Variants in DENND5A observed in about 807,000 individuals in gnomAD.
The protein encoded by DENND5A is DENN domain-containing protein 5A.
In DENND5A, 64 loss-of-function variants were observed where a neutral mutation model predicts 140.3. The observed-to-expected ratio is 0.46, with a 90% CI of 0.37 to 0.56. The LOEUF (loss-of-function observed/expected upper bound fraction) is 0.56, where lower values mean the gene tolerates loss of function less well. DENND5A is among the 20% of genes least tolerant of loss of function. DENND5A has a pLI of 0.00. For synonymous variants in DENND5A, 605 were observed against 607.7 expected, an observed-to-expected ratio of 1.00 and a Z score of 0.07; for missense variants, 1,292 against 1,593.8, an observed-to-expected ratio of 0.81 and a Z score of 3.22.
At position 9,207,548 on chromosome 11, in the gene DENND5A, G is replaced by A; in HGVS notation, c.181+13C>T. On this transcript the variant is annotated intron_variant, in intron 2 of 22. Transcript: ENST00000328194. ...GAAAGCTTTGGGTGTTCTCAATTTT[G>A]TTTTGTTTTTACCTTCAGTCGTACT... 6.2e-7 allele frequency: 1 copy of A among 1,605,376 alleles called. No individual in the cohort carries two copies. The highest frequency in any genetic ancestry group is 8.5e-7 in the Non-Finnish European group (1 of 1,172,674).
At chr11:9,194,875 G>A (rs1338936232) in intron 4 of DENND5A, among the ~76,000 whole-genome samples, 1 of 147,904 alleles carries the variant, frequency 6.8e-6, no homozygotes, top group East Asian at 2.1e-4. Flanking sequence ...GCCCACCACC[G>A]CACCTGGCTA....
At position 9,263,865 on chromosome 11, in the gene DENND5A, A is replaced by G. The variant is rs991798615; in HGVS notation, c.109+1096T>C. 6.9e-4 allele frequency among the ~76,000 whole-genome samples: 104 copies of G among 151,304 alleles called. 1 individual carries two copies. The highest frequency in any genetic ancestry group is 2.3e-3 in the African/African-American group (97 of 41,400). The stretch of plus-strand genomic sequence containing the variant: ...CTCCGTCTCAAAAAAAAAAAAAAAA[A>G]AAAAAAGAAACACTGGACTTTTTCT... On this transcript the variant is annotated intron_variant, in intron 1 of 22. Coordinates refer to ENST00000328194, the MANE Select transcript of DENND5A (RefSeq NM_015213.4).
intron 1 of DENND5A, among the ~76,000 whole-genome samples, chr11:9,229,783 C>T (rs771020469): frequency 5.9e-5 from 9 of 152,068 alleles, no homozygotes; most frequent in Non-Finnish European, 1.0e-4. Context: ...TTAGATAACA[C>T]CCTTTGTCTA....
chr11:9,170,527 A>G, intron 9 of DENND5A, 100 bp downstream of exon 9: 3 of 1,428,434 alleles, frequency 2.1e-6, no homozygotes, highest in Non-Finnish European at 2.9e-6. Context: ...CTGCTTTAGA[A>G]AAGTACAAGG....
intron 5 of DENND5A, among the ~76,000 whole-genome samples, chr11:9,184,900 C>T (rs1848857149): frequency 6.6e-6 from 1 of 151,916 alleles, no homozygotes; most frequent in Admixed American, 6.6e-5. Context: ...TTAGAAAATC[C>T]AATTTATCAG....
intron 1 of DENND5A, among the ~76,000 whole-genome samples, chr11:9,234,244 T>C (rs1850902285): frequency 6.6e-6 from 1 of 150,668 alleles, no homozygotes; most frequent in South Asian, 2.1e-4. Flanking sequence ...CCCAATTCTG[T>C]AGCAAACTCA....
At chr11:9,200,778 C>T (rs1849495471) in intron 4 of DENND5A, among the ~76,000 whole-genome samples, 1 of 152,228 alleles carries the variant, frequency 6.6e-6, no homozygotes, top group African/African-American at 2.4e-5. Flanking sequence ...TACAAATTAC[C>T]TCTTAACGGA....
intron 1 of DENND5A, among the ~76,000 whole-genome samples, chr11:9,211,657 G>C (rs35966356): frequency 6.6e-5 from 10 of 152,166 alleles, no homozygotes; most frequent in Non-Finnish European, 1.3e-4. Context: ...TCTCAGGCCA[G>C]ACATGGTGGC....
intron 12 of DENND5A, among the ~76,000 whole-genome samples, chr11:9,160,482 GA>G (rs1847942694): frequency 6.6e-6 from 1 of 152,202 alleles, no homozygotes; most frequent in South Asian, 2.1e-4. Context: ...CTACCCCCAG[GA>G]AGAAAGATGC....
At position 9,189,344 on chromosome 11, in the gene DENND5A, T is replaced by G. The variant is rs1480488469; in HGVS notation, c.1137+4150A>C. On this transcript the variant is annotated intron_variant, in intron 5 of 22. Coordinates refer to ENST00000328194, the MANE Select transcript of DENND5A (RefSeq NM_015213.4). ...CAGGGCCCTCATGGAGAACTTCTGC[T>G]AGAGTAGTGCGGAAGGGAAATGTAG... Among the ~76,000 whole-genome samples the G allele has an allele frequency of 2.0e-5, 3 of 152,188 alleles. No homozygotes were observed. The East Asian group carries it at 5.8e-4, about 29-fold the overall frequency.
rs765293000 is a variant in DENND5A, at chr11:9,193,681, T to C, written c.950A>G (p.His317Arg). 1.2e-6 allele frequency: 2 copies of C among 1,603,108 alleles called. No individual in the cohort carries two copies. Among genetic ancestry groups the C allele is most frequent in the East Asian group, 2.2e-5 (1 of 44,660 alleles). ...CGCCACAGTCATCAGTCTCTGGTAA[T>C]CTGGGTCAACAACAACAAAAAAAGC... ...LEFQILLYSQ[H>R]YQRLMTVAET... Residue 317 changes from histidine to arginine, a missense_variant and splice_region_variant, in exon 5 of 23, where the codon CAT (histidine) becomes CGT (arginine). This residue lies in a region of DENND5A where 566 missense variants were observed against 650.4 expected (regional missense o/e 0.87). Coordinates refer to ENST00000328194, the MANE Select transcript of DENND5A (RefSeq NM_015213.4).
At chr11:9,139,904 A>C (rs750259244) in intron 22 of DENND5A, 50 bp from the exon 23 acceptor site, 1 of 1,575,870 alleles carries the variant, frequency 6.3e-7, no homozygotes, top group Non-Finnish European at 8.7e-7. Flanking sequence ...AAGGAAAAGG[A>C]AGAGAGAGCG....
chr11:9,237,751 C>T (rs1475646285), intron 1 of DENND5A, among the ~76,000 whole-genome samples: 2 of 152,174 alleles, frequency 1.3e-5, no homozygotes, highest in East Asian at 1.9e-4. Flanking sequence ...GGCGTGGTGG[C>T]AAGCACCTGT....
rs148941247 is a variant in DENND5A at position 9,257,171 on chromosome 11, G to A, written c.109+7790C>T. Among the ~76,000 whole-genome samples, 447 of 151,686 alleles carry A rather than the reference G, an allele frequency of 2.9e-3. 2 individuals carry two copies. Among genetic ancestry groups the A allele is most frequent in the African/African-American group, 0.01 (421 of 41,372 alleles). On this transcript the variant is annotated intron_variant, in intron 1 of 22. Transcript: ENST00000328194. ...ATTATAGGCACCCACCACCACGCCC[G>A]GCTAATTTTTGTATTTTTAGTAGAG...
rs547755645 is a variant in DENND5A, at chr11:9,150,319, C to G, written c.2607-110G>C. On this transcript the variant is annotated intron_variant, in intron 14 of 22. Transcript: ENST00000328194. ...ACCTGCTGAGACAGACTTATCTCAC[C>G]CTGGGAGAGCCTATCTCTATATTCT... 6 of 1,283,152 alleles carry G rather than the reference C, an allele frequency of 4.7e-6. No individual in the cohort carries two copies. In the East Asian group the frequency reaches 1.2e-4, roughly 25 times the overall value. 79.5% of individuals were successfully genotyped at this position (1,283,152 alleles called of 1,614,324 possible).
chr11:9,213,546 A>G (rs1005625536), intron 1 of DENND5A, among the ~76,000 whole-genome samples: 10 of 151,536 alleles, frequency 6.6e-5, no homozygotes, highest in Admixed American at 3.3e-4. Context: ...GGTGGCTCAC[A>G]CCTGTAATCC....
At chr11:9,228,909 G>A (rs750076231) in intron 1 of DENND5A, among the ~76,000 whole-genome samples, 2 of 152,136 alleles carry the variant, frequency 1.3e-5, no homozygotes, top group African/African-American at 4.8e-5. Flanking sequence ...ATGGGTAATA[G>A]TAAGTAAAGT....
chr11:9,150,255 G>C (rs1319728960), intron 14 of DENND5A, 46 bp from the exon 15 acceptor site: 11 of 1,602,626 alleles, frequency 6.9e-6, no homozygotes, highest in Non-Finnish European at 8.5e-6. Context: ...GATGGGAGAT[G>C]AACTCACTGC....
At position 9,170,611 on chromosome 11, in the gene DENND5A, C is replaced by T; in HGVS notation, c.2057+16G>A. On this transcript the variant is annotated intron_variant, in intron 9 of 22. Coordinates refer to ENST00000328194, the MANE Select transcript of DENND5A (RefSeq NM_015213.4). Reference sequence around the variant, plus strand: ...AGCTAGGGAGTTGGATTAGTGAATCCCTGGGGTTGACTCACTTGTTGCTGG... The same window carrying T: ...AGCTAGGGAGTTGGATTAGTGAATCTCTGGGGTTGACTCACTTGTTGCTGG... 6.2e-7 allele frequency: 1 copy of T among 1,613,460 alleles called. No individual in the cohort carries two copies. The highest frequency in any genetic ancestry group is 2.2e-5 in the East Asian group (1 of 44,876).
Sources: gnomAD v4.1 joint callset for allele counts (sites outside exome capture counted in the v4.1 genomes callset) on GRCh38, gnomAD v4.1.1 for gene constraint, gnomAD v4.1.1 regional missense constraint, MANE v1.5 for transcripts, NCBI Gene and HGNC (gene_info 2026-07-23, HGNC 2026-07-21) for gene names.